Variants in XPO4 observed in about 807,000 individuals in gnomAD.
XPO4 encodes the protein exportin 4.
In XPO4, 39 loss-of-function variants were observed where a neutral mutation model predicts 143.0. That is an observed-to-expected ratio of 0.27 (90% CI 0.21 to 0.36). The LOEUF is 0.36. Ranked by LOEUF, XPO4 falls within the 10% of genes least tolerant of loss-of-function variation. The probability of loss-of-function intolerance (pLI) is 1.00; values close to 1 mark genes in which losing one functional copy is unlikely to be tolerated. For synonymous variants in XPO4, 439 were observed against 474.0 expected (o/e 0.93, Z 0.96); for missense variants, 907 against 1,348.0 (o/e 0.67, Z 5.12).
At chr13:20,796,668 A>G (rs1020112005) in intron 17 of XPO4, 96 bp downstream of exon 17, 2 of 933,546 alleles carry the variant, frequency 2.1e-6, no homozygotes, top group Non-Finnish European at 2.9e-6. Context: ...AATATTATTT[A>G]AGATAATACT....
chr13:20,799,464 C>G (rs2059405358), intron 15 of XPO4, 125 bp from the exon 16 acceptor site: 1 of 808,936 alleles, frequency 1.2e-6, no homozygotes, highest in Admixed American at 3.0e-5. Context: ...AAGCAAAGTA[C>G]AGTAAACTTA....
intron 19 of XPO4, 101 bp downstream of exon 19, chr13:20,790,361 G>A (rs2059265052): frequency 1.1e-6 from 1 of 943,274 alleles, no homozygotes; most frequent in African/African-American, 1.6e-5. Flanking sequence ...GCACTTAGCA[G>A]ATACAACTAC....
At position 20,868,802 on chromosome 13, in the gene XPO4, G is replaced by A. The variant is rs182691080; in HGVS notation, c.70-101C>T. ...AGAACAGAAAATGCCTTCACTTTTG[G>A]GGGGCAAGAGGAACAAATTCTTGCT... is the stretch of plus-strand genomic sequence containing the variant. On this transcript the variant is annotated intron_variant, in intron 1 of 22. Transcript: ENST00000255305. 5 of 1,024,264 alleles carry A rather than the reference G, an allele frequency of 4.9e-6. No homozygotes were observed. In the African/African-American group the frequency reaches 5.0e-5, roughly 10 times the overall value. The allele number at this position is 1,024,264 out of a possible 1,614,324, so 63.4% of individuals were successfully genotyped here.
rs1387766869 is a variant in XPO4 at position 20,778,526 on chromosome 13, A to T, written c.*5196T>A. 1 of 152,224 alleles carries T rather than the reference A, an allele frequency of 6.6e-6. No individual in the cohort carries two copies. Among genetic ancestry groups the T allele is most frequent in the Non-Finnish European group, 1.5e-5 (1 of 68,036 alleles). 9.4% of individuals were successfully genotyped at this position (152,224 alleles called of 1,614,324 possible). A position where few individuals can be genotyped will look rare whatever the true frequency, so the allele number is the denominator to read the frequency against. ...AAAGGCCAAAAAGAATGACTTGCTA[A>T]AAGTATTTACTAAATATGCACCAAA... On this transcript the variant is annotated 3_prime_UTR_variant, in exon 23 of 23. Transcript: ENST00000255305.
intron 6 of XPO4, among the ~76,000 whole-genome samples, chr13:20,832,719 A>G (rs1822365): frequency 0.82 from 124,234 of 152,004 alleles, 50,949 homozygotes; most frequent in East Asian, 1. Context: ...CAGAACCAAC[A>G]ACCCCAGTCT....
In XPO4 at chr13:20,800,850, T is replaced by A. The variant is rs1303293992; in HGVS notation, c.1958A>T (p.Asp653Val). ...KRWAKTYLLV[D>V]EKLYDQISLP... Reference sequence around the variant, plus strand: ...TCTGACCTGATCATACAGTTTTTCATCCACCAGGAGATAAGTCTTTGCCCA... The same window carrying A: ...TCTGACCTGATCATACAGTTTTTCAACCACCAGGAGATAAGTCTTTGCCCA... The change falls in exon 14 of 23, where the codon GAT becomes GTT. Residue 653 changes from aspartate to valine, a missense_variant. Asp to Val is a radical substitution (Grantham distance 152, BLOSUM62 -3). Coordinates refer to ENST00000255305, the MANE Select transcript of XPO4 (RefSeq NM_022459.5). The A allele has an allele frequency of 6.2e-7, 1 of 1,613,732 alleles. No homozygotes were observed. The highest frequency in any genetic ancestry group is 1.3e-5 in the African/African-American group (1 of 74,916).
chr13:20,848,989 A>G (rs963795333), intron 4 of XPO4: 2 of 984,978 alleles, frequency 2.0e-6, no homozygotes, highest in African/African-American at 1.7e-5. Flanking sequence ...CAGCATTCTC[A>G]TTTATTTCTA....
intron 15 of XPO4, 93 bp downstream of exon 15, chr13:20,800,063 C>A: frequency 7.1e-7 from 1 of 1,418,344 alleles, no homozygotes. Context: ...ACCGTGTAAC[C>A]ATTTGCCAGT....
chr13:20,802,075 T>TC (rs1234824716), intron 13 of XPO4, among the ~76,000 whole-genome samples: 5 of 152,146 alleles, frequency 3.3e-5, no homozygotes, highest in African/African-American at 1.2e-4. Flanking sequence ...TTTTTCTTTT[T>TC]TAGACAGAGT....
At position 20,896,297 on chromosome 13, in the gene XPO4, T is replaced by C. The variant is rs74838051; in HGVS notation, c.69+6373A>G. Among the ~76,000 whole-genome samples, 124 of 152,336 alleles carry C rather than the reference T, an allele frequency of 8.1e-4. No individual in the cohort carries two copies. In the East Asian group the frequency reaches 0.021, roughly 26 times the overall value. ...AAAGGGTGAGGAGGAAAGAGAGATT[T>C]TGATTGACATTATATTCAATTTAGA... is the stretch of plus-strand genomic sequence containing the variant. On this transcript the variant is annotated intron_variant, in intron 1 of 22. Coordinates refer to ENST00000255305, the MANE Select transcript of XPO4 (RefSeq NM_022459.5).
chr13:20,880,385 T>TCG (rs1325434827), intron 1 of XPO4, among the ~76,000 whole-genome samples: 1 of 150,340 alleles, frequency 6.7e-6, no homozygotes, highest in Non-Finnish European at 1.5e-5. Flanking sequence ...TGAGCCTAGA[T>TCG]CGCGCCATTG....
chr13:20,842,798 T>C (rs976679202), intron 6 of XPO4, 97 bp downstream of exon 6: 9 of 1,106,708 alleles, frequency 8.1e-6, no homozygotes, highest in Middle Eastern at 2.1e-4. Context: ...TCTTTCAATA[T>C]GTTTTATGAA....
rs140839245 is a variant in XPO4 at position 20,806,914 on chromosome 13, G to A, written c.1817+543C>T. ...ACCATTAAGAATTAACGAAAATTTT[G>A]CCATTAGTATTAGGAAGATTAAAGT... On this transcript the variant is annotated intron_variant, in intron 13 of 22. Coordinates refer to ENST00000255305, the MANE Select transcript of XPO4 (RefSeq NM_022459.5). Among the ~76,000 whole-genome samples, 3 of 152,078 alleles carry A rather than the reference G, an allele frequency of 2.0e-5. No homozygotes were observed. The East Asian group carries it at 5.8e-4, about 29-fold the overall frequency.
At chr13:20,885,339 T>C (rs912839685) in intron 1 of XPO4, among the ~76,000 whole-genome samples, 2 of 152,168 alleles carry the variant, frequency 1.3e-5, no homozygotes, top group Non-Finnish European at 2.9e-5. Flanking sequence ...AATATGCATG[T>C]TAAAATGTTT....
At chr13:20,786,534 A>C (rs1237059959) in intron 22 of XPO4, among the ~76,000 whole-genome samples, 1 of 152,062 alleles carries the variant, frequency 6.6e-6, no homozygotes, top group African/African-American at 2.4e-5. Context: ...AACAAAATGA[A>C]ATAATATACT....
intron 9 of XPO4, among the ~76,000 whole-genome samples, chr13:20,813,813 C>T (rs1291455857): frequency 2.0e-5 from 3 of 152,054 alleles, no homozygotes; most frequent in Non-Finnish European, 4.4e-5. Flanking sequence ...CAAAAATTAG[C>T]CAGGCGTGGT....
At chr13:20,866,453 T>A (rs1416596634) in intron 2 of XPO4, 2 of 886,484 alleles carry the variant, frequency 2.3e-6, no homozygotes, top group African/African-American at 3.6e-5. Flanking sequence ...AAATGACACA[T>A]AATCCCTAAA....
In XPO4 at chr13:20,799,212, C is replaced by G; in HGVS notation, c.2275G>C (p.Gly759Arg). ...GTTTCTGTGTCCATATGTGCAAAAC[C>G]TCCTAAGACTAGAGCCTTCATCAAT... is the stretch of plus-strand genomic sequence containing the variant. ...RTLMKALVLG[G>R]FAHMDTETKQ... Residue 759 changes from glycine to arginine, a missense_variant, in exon 16 of 23, where the codon GGT becomes CGT. Coordinates refer to ENST00000255305, the MANE Select transcript of XPO4 (RefSeq NM_022459.5). 6.2e-7 allele frequency: 1 copy of G among 1,612,440 alleles called. No homozygotes were observed. The highest frequency in any genetic ancestry group is 8.5e-7 in the Non-Finnish European group (1 of 1,178,872).
At chr13:20,815,961 G>A (rs1178832101) in intron 9 of XPO4, among the ~76,000 whole-genome samples, 1 of 151,802 alleles carries the variant, frequency 6.6e-6, no homozygotes, top group Non-Finnish European at 1.5e-5. Flanking sequence ...ACAGGAGAAG[G>A]AAAAAACCAC....
Sources: gnomAD v4.1 joint callset for allele counts (sites outside exome capture counted in the v4.1 genomes callset) on GRCh38, gnomAD v4.1.1 for gene constraint, MANE v1.5 for transcripts, NCBI Gene and HGNC (gene_info 2026-07-23, HGNC 2026-07-21) for gene names.